The following DNAH10 variants were observed in gnomAD, a reference collection of about 807,000 sequenced individuals.
DNAH10 encodes dynein axonemal heavy chain 10.
Under a neutral mutation model 506.6 loss-of-function variants are expected in DNAH10, and 348 were observed. The observed-to-expected ratio is 0.69, with a 90% CI of 0.63 to 0.75. The LOEUF is 0.75. Among genes scored for constraint, DNAH10 ranks in the 30% least tolerant of loss-of-function variants. DNAH10 has a pLI of 0.00. For missense variants in DNAH10, 5,179 were observed against 5,787.1 expected, an observed-to-expected ratio of 0.89 and a Z score of 3.41; for synonymous variants, 2,059 against 2,198.6, an observed-to-expected ratio of 0.94 and a Z score of 1.78.
Position 123,799,238 on chromosome 12 carries a change from T to G in DNAH10, c.2164-8T>G. The G allele has an allele frequency of 6.2e-7, 1 of 1,604,298 alleles. No individual in the cohort carries two copies. The highest frequency in any genetic ancestry group is 1.3e-5 in the African/African-American group (1 of 74,962). ...GACAAAATGACGGTTGCTTGAATTC[T>G]TTGATAGGTCAAACAAAAATATTTG... On this transcript the variant is annotated splice_region_variant and splice_polypyrimidine_tract_variant and intron_variant, in intron 13 of 78. Coordinates refer to ENST00000673944, the MANE Select transcript of DNAH10 (RefSeq NM_001372106.1).
rs548997286 is a variant in DNAH10, at chr12:123,924,162, T to G, written c.11612-116T>G. 461 of 1,374,044 alleles carry G rather than the reference T, an allele frequency of 3.4e-4. 3 individuals are homozygous for G. In the South Asian group the frequency reaches 6.4e-3, roughly 19 times the overall value. The allele number at this position is 1,374,044 out of a possible 1,614,324, so 85.1% of individuals were successfully genotyped here. A position where few individuals can be genotyped will look rare whatever the true frequency, so the allele number is the denominator to read the frequency against. On this transcript the variant is annotated intron_variant, in intron 66 of 78. Coordinates refer to ENST00000673944, the MANE Select transcript of DNAH10 (RefSeq NM_001372106.1). ...AGGGCAAGCCTGGGCCACTTCCTGT[T>G]TCCAGTCTCCTTCTTGAAAAGTGGA...
Position 123,928,256 on chromosome 12 carries a change from G to A in DNAH10, c.12106-131G>A, listed in dbSNP as rs902634107. 4.9e-6 allele frequency: 5 copies of A among 1,025,418 alleles called. No homozygotes were observed. Among genetic ancestry groups the A allele is most frequent in the East Asian group, 2.6e-5 (1 of 38,394 alleles). The allele number at this position is 1,025,418 out of a possible 1,614,324, so 63.5% of individuals were successfully genotyped here. On this transcript the variant is annotated intron_variant, in intron 69 of 78. Transcript: ENST00000673944. The surrounding 1 kb of genome is among the most constrained non-coding windows in gnomAD (Gnocchi z 4.9). ...TTTGAAGGCTCCACCTGTAGCTCCT[G>A]GATCCTCGGCTTGCTTTTGGCTTCT...
chr12:123,893,059 T>C (rs1953058692), intron 52 of DNAH10, among the ~76,000 whole-genome samples, 174 bp from the exon 53 acceptor site: 1 of 152,168 alleles, frequency 6.6e-6, no homozygotes. Flanking sequence ...AGCTGGAGGC[T>C]CTAAGGGCTT....
chr12:123,848,058 G>C lies in DNAH10; in HGVS notation c.5912G>C (p.Cys1971Ser), dbSNP rs766967012. Residue 1971 changes from cysteine (C) to serine (S), a missense_variant, in exon 33 of 79, where the codon TGT becomes TCT. Physicochemically the swap from Cys to Ser is moderately radical, Grantham distance 112. This residue lies in a region of DNAH10 where 4,844 missense variants were observed against 5,430.5 expected (regional missense o/e 0.89). Coordinates refer to ENST00000673944, the MANE Select transcript of DNAH10 (RefSeq NM_001372106.1). ...CTGGCGAAAGCCTTGGGCTTGCTCT[G>C]TGTTGTCACCAACTGTGGCGAAGGC... ...KDLAKALGLL[C>S]VVTNCGEGMD... is the part of the protein sequence containing the mutation. 3.7e-6 allele frequency: 6 copies of C among 1,613,826 alleles called. No individual in the cohort carries two copies. Among genetic ancestry groups the C allele is most frequent in the East Asian group, 2.2e-5 (1 of 44,890 alleles).
At chr12:123,790,227 C>G (rs1958029315) in intron 11 of DNAH10, 106 bp downstream of exon 11, 1 of 1,131,360 alleles carries the variant, frequency 8.8e-7, no homozygotes. Flanking sequence ...TTTTAAATCA[C>G]AAGTAATACC....
At chr12:123,800,468 C>A in intron 15 of DNAH10, 80 bp downstream of exon 15, 1 of 1,303,330 alleles carries the variant, frequency 7.7e-7, no homozygotes, top group Non-Finnish European at 1.1e-6. Flanking sequence ...TTATTGAGGA[C>A]CCCTCCAAAA....
intron 1 of DNAH10, among the ~76,000 whole-genome samples, chr12:123,763,417 G>C (rs1410553762): frequency 6.6e-6 from 1 of 152,122 alleles, no homozygotes; most frequent in Non-Finnish European, 1.5e-5. Flanking sequence ...TGGCTGTCCA[G>C]TCTCCTGGGC....
chr12:123,872,760 A>G (rs1260677643), intron 45 of DNAH10, among the ~76,000 whole-genome samples: 1 of 152,126 alleles, frequency 6.6e-6, no homozygotes, highest in Non-Finnish European at 1.5e-5. Flanking sequence ...GCAGTGAGCT[A>G]TGATTGTGCA....
intron 51 of DNAH10, among the ~76,000 whole-genome samples, chr12:123,883,526 T>G (rs1952600323): frequency 6.6e-6 from 1 of 152,248 alleles, no homozygotes; most frequent in African/African-American, 2.4e-5. Context: ...CTGACTTCTT[T>G]CACTATTAGG....
chr12:123,898,141 G>A (rs10846573), intron 55 of DNAH10, among the ~76,000 whole-genome samples, 174 bp downstream of exon 55: 32,953 of 152,102 alleles, frequency 0.22, 3,644 homozygotes, highest in East Asian at 0.28. Context: ...ACCCTGGCAT[G>A]TCCTTATTTT....
chr12:123,862,787 C>A lies in DNAH10; in HGVS notation c.6908+1617C>A, dbSNP rs75828383. On this transcript the variant is annotated intron_variant, in intron 39 of 78. Transcript: ENST00000673944. ...TATACATTAGATAATAGTATTGTAT[C>A]AATATTACATTTCCTGAGTTTGATA... Among the ~76,000 whole-genome samples the A allele has an allele frequency of 7.1e-3, 1,083 of 152,130 alleles. 14 individuals are homozygous for A. Among genetic ancestry groups the A allele is most frequent in the African/African-American group, 0.025 (1,037 of 41,482 alleles).
intron 36 of DNAH10, among the ~76,000 whole-genome samples, chr12:123,856,163 T>C (rs1951380949): frequency 6.8e-6 from 1 of 147,076 alleles, no homozygotes; most frequent in Non-Finnish European, 1.5e-5. Flanking sequence ...AATACAAATA[T>C]AATTAATTTA....
chr12:123,800,810 A>G (rs1958455985), intron 15 of DNAH10, among the ~76,000 whole-genome samples: 1 of 152,264 alleles, frequency 6.6e-6, no homozygotes, highest in Non-Finnish European at 1.5e-5. Flanking sequence ...TGAGGTCAGG[A>G]GTTCAAGACC....
chr12:123,799,930 G>A (rs923105398), intron 14 of DNAH10, among the ~76,000 whole-genome samples: 1 of 152,174 alleles, frequency 6.6e-6, no homozygotes, highest in Non-Finnish European at 1.5e-5. Flanking sequence ...GCTCAGATCC[G>A]ACCAAAGAGG....
In DNAH10 at chr12:123,909,346, A is replaced by G. The variant is rs776046796; in HGVS notation, c.9901A>G (p.Thr3301Ala). 1 of 1,612,998 alleles carries G rather than the reference A, an allele frequency of 6.2e-7. No individual in the cohort carries two copies. The highest frequency in any genetic ancestry group is 8.5e-7 in the Non-Finnish European group (1 of 1,179,546). Residue 3301 changes from threonine to alanine, a missense_variant, in exon 58 of 79, where the codon ACA (threonine) becomes GCA (alanine). Thr to Ala is a moderately conservative substitution (Grantham distance 58, BLOSUM62 0). Coordinates refer to ENST00000673944, the MANE Select transcript of DNAH10 (RefSeq NM_001372106.1). This position sits in a 1 kb window ranked among gnomAD's most constrained non-coding sequence, Gnocchi z 5.4. Reference sequence around the variant, plus strand: ...AGGGTACAAAGAGCTGAACTGGAAAACAGCCAAGGGCGTGATGTCCGACCC... The same window carrying G: ...AGGGTACAAAGAGCTGAACTGGAAAGCAGCCAAGGGCGTGATGTCCGACCC... ...MKGYKELNWK[T>A]AKGVMSDPNF...
chr12:123,811,532 G>A (rs756091453), intron 19 of DNAH10, among the ~76,000 whole-genome samples: 7 of 150,222 alleles, frequency 4.7e-5, no homozygotes, highest in Non-Finnish European at 8.9e-5. Flanking sequence ...ATAGAGTCTT[G>A]CTGTTTCGCC....
At chr12:123,765,420 G>A (rs1217983781) in intron 1 of DNAH10, among the ~76,000 whole-genome samples, 7 of 152,102 alleles carry the variant, frequency 4.6e-5, no homozygotes, top group Non-Finnish European at 4.4e-5. Flanking sequence ...CCCCAGTCCT[G>A]CTCTTATTCC....
chr12:123,875,606 AG>A, intron 47 of DNAH10, 115 bp downstream of exon 47: 2 of 1,247,996 alleles, frequency 1.6e-6, no homozygotes, highest in Non-Finnish European at 2.2e-6. Flanking sequence ...AATACTTTTA[AG>A]GGCCTATGAA....
chr12:123,859,057 A>G (rs1951510304), intron 37 of DNAH10, 93 bp from the exon 38 acceptor site: 8 of 1,167,574 alleles, frequency 6.9e-6, no homozygotes, highest in Non-Finnish European at 9.8e-6. Context: ...ACCCTTTCAA[A>G]GGTAAATTGT....
Sources: gnomAD v4.1 joint callset for allele counts (sites outside exome capture counted in the v4.1 genomes callset) on GRCh38, gnomAD v4.1.1 for gene constraint, gnomAD v4.1.1 regional missense constraint, Gnocchi (gnomAD v3.1) non-coding constraint, MANE v1.5 for transcripts, NCBI Gene and HGNC (gene_info 2026-07-23, HGNC 2026-07-21) for gene names.